The following EXOC4 variants were observed in gnomAD, a reference collection of about 807,000 sequenced individuals.
EXOC4 encodes exocyst complex component 4, also known as SEC8-like 1.
Under a neutral mutation model 107.2 loss-of-function variants are expected in EXOC4, and 71 were observed. The observed-to-expected ratio is 0.66, with a 90% confidence interval of 0.55 to 0.81. The LOEUF is 0.81. Among genes scored for constraint, EXOC4 ranks in the 30% least tolerant of loss-of-function variants. The pLI is 0.00. For missense variants in EXOC4, 1,108 were observed against 1,189.6 expected (o/e 0.93, Z 1.01); for synonymous variants, 456 against 441.2 (o/e 1.03, Z -0.42).
chr7:133,481,226 G>T (rs1045533781), intron 9 of EXOC4: 2 of 151,632 alleles, frequency 1.3e-5, no homozygotes, highest in Non-Finnish European at 2.9e-5. Flanking sequence ...CACACACAGA[G>T]ATACACACAC....
intron 9 of EXOC4, among the ~76,000 whole-genome samples, chr7:133,513,567 C>G (rs906258739): frequency 6.6e-6 from 1 of 152,138 alleles, no homozygotes. Flanking sequence ...TTTAAATGAT[C>G]CAGTATCCTG....
At chr7:133,684,553 A>G (rs1359508368) in intron 10 of EXOC4, among the ~76,000 whole-genome samples, 2 of 152,196 alleles carry the variant, frequency 1.3e-5, no homozygotes, top group Admixed American at 6.6e-5. Flanking sequence ...TATGTTAGAA[A>G]GGACCCCATA....
intron 3 of EXOC4, among the ~76,000 whole-genome samples, chr7:133,298,829 T>C (rs1469555648): frequency 6.6e-6 from 1 of 152,204 alleles, no homozygotes; most frequent in African/African-American, 2.4e-5. Flanking sequence ...ATAACTGTTT[T>C]GTGTTACAAA....
chr7:133,666,845 C>A (rs1360204364), intron 10 of EXOC4, among the ~76,000 whole-genome samples: 1 of 152,162 alleles, frequency 6.6e-6, no homozygotes. Context: ...CCTTCTTCAA[C>A]TCTGTTCAAA....
intron 13 of EXOC4, among the ~76,000 whole-genome samples, chr7:133,925,003 G>A (rs1443275024): frequency 6.6e-6 from 1 of 152,200 alleles, no homozygotes; most frequent in East Asian, 1.9e-4. Context: ...AGTAGAAGAG[G>A]ACACTCTTCA....
chr7:134,068,208 C>T (rs1796213003), downstream of EXOC4, among the ~76,000 whole-genome samples: 1 of 152,120 alleles, frequency 6.6e-6, no homozygotes, highest in Non-Finnish European at 1.5e-5. Context: ...TGTTTCTGAC[C>T]TACTTGAGGA....
At chr7:133,707,066 G>T (rs1363819726) in intron 10 of EXOC4, among the ~76,000 whole-genome samples, 3 of 149,368 alleles carry the variant, frequency 2.0e-5, no homozygotes, top group Admixed American at 6.7e-5. Context: ...ACATTAAGTG[G>T]CCTTTTTTTT....
At chr7:133,350,626 T>G (rs957203208) in intron 5 of EXOC4, among the ~76,000 whole-genome samples, 24 of 152,186 alleles carry the variant, frequency 1.6e-4, no homozygotes, top group Admixed American at 7.9e-4. Context: ...AGTATGAGTC[T>G]TCTAGATTTG....
rs117901794 is a variant in EXOC4 at position 133,685,687 on chromosome 7, G to A, written c.1514+55546G>A. Among the ~76,000 whole-genome samples the A allele has an allele frequency of 5.5e-3, 843 of 152,198 alleles. 6 individuals carry two copies. The highest frequency in any genetic ancestry group is 9.3e-3 in the Non-Finnish European group (631 of 67,988). ...AGATGCTGCCAGAGAAGACTAGGCC[G>A]ACTTGAGAAAGAACAAGTATACCTC... On this transcript the variant is annotated intron_variant, in intron 10 of 17. Coordinates refer to ENST00000253861, the MANE Select transcript of EXOC4 (RefSeq NM_021807.4).
chr7:133,436,710 G>A (rs1177916743), intron 7 of EXOC4, among the ~76,000 whole-genome samples: 1 of 152,124 alleles, frequency 6.6e-6, no homozygotes, highest in Admixed American at 6.6e-5. Context: ...TTTAATCAGT[G>A]TATGGTTATT....
At chr7:134,033,910 T>A (rs1384846264) in intron 17 of EXOC4, among the ~76,000 whole-genome samples, 1 of 152,184 alleles carries the variant, frequency 6.6e-6, no homozygotes, top group Non-Finnish European at 1.5e-5. Context: ...GAATTAGACA[T>A]CCAAACAGTG....
chr7:133,479,086 C>T (rs1472429877), intron 8 of EXOC4: 1 of 152,136 alleles, frequency 6.6e-6, no homozygotes, highest in Non-Finnish European at 1.5e-5. Context: ...AGCACTGTTG[C>T]TCGTACTATG....
intron 7 of EXOC4, among the ~76,000 whole-genome samples, chr7:133,462,875 C>T (rs1383917684): frequency 6.6e-6 from 1 of 152,116 alleles, no homozygotes; most frequent in Non-Finnish European, 1.5e-5. Flanking sequence ...AATAGGAACT[C>T]ATCCTATAGA....
chr7:133,651,173 C>G (rs1803142227), intron 10 of EXOC4, among the ~76,000 whole-genome samples: 2 of 151,952 alleles, frequency 1.3e-5, no homozygotes, highest in African/African-American at 2.4e-5. Flanking sequence ...CTACTCACTC[C>G]CAGCATTTGA....
chr7:133,997,384 G>A, intron 14 of EXOC4, 108 bp from the exon 15 acceptor site: 1 of 1,223,640 alleles, frequency 8.2e-7, no homozygotes, highest in Non-Finnish European at 1.2e-6. Context: ...GCCAACACTA[G>A]TGTTAACCAA....
chr7:133,898,512 G>T (rs907699833), intron 12 of EXOC4, among the ~76,000 whole-genome samples: 2 of 149,036 alleles, frequency 1.3e-5, no homozygotes, highest in Non-Finnish European at 3.0e-5. Flanking sequence ...TTGAGAGGCC[G>T]AGGCAGGCGG....
intron 9 of EXOC4, among the ~76,000 whole-genome samples, chr7:133,591,347 G>A (rs1801537520): frequency 6.6e-6 from 1 of 152,002 alleles, no homozygotes; most frequent in South Asian, 2.1e-4. Context: ...CCATAATTTT[G>A]ATGTTCGTTC....
chr7:133,667,537 G>A (rs182702244), intron 10 of EXOC4, among the ~76,000 whole-genome samples: 8 of 152,330 alleles, frequency 5.3e-5, no homozygotes, highest in African/African-American at 1.7e-4. Context: ...CGTGTGGAGT[G>A]TAATACTTTC....
chr7:133,755,565 A>T (rs1795899004), intron 10 of EXOC4, among the ~76,000 whole-genome samples: 1 of 151,384 alleles, frequency 6.6e-6, no homozygotes, highest in South Asian at 2.1e-4. Flanking sequence ...GATGTTCTCG[A>T]TATCCTGACC....
Sources: gnomAD v4.1 joint callset for allele counts (sites outside exome capture counted in the v4.1 genomes callset) on GRCh38, gnomAD v4.1.1 for gene constraint, MANE v1.5 for transcripts, NCBI Gene and HGNC (gene_info 2026-07-23, HGNC 2026-07-21) for gene names.